Variants in SNX6 observed in about 807,000 individuals in gnomAD.
SNX6 encodes sorting nexin-6.
Under a neutral mutation model 63.0 loss-of-function variants are expected in SNX6, and 34 were observed. The ratio of observed to expected loss-of-function variants is 0.54; its 90% CI spans 0.41 to 0.72. SNX6 has a LOEUF of 0.72. Among genes scored for constraint, SNX6 ranks in the 30% least tolerant of loss-of-function variants. The pLI, the probability that SNX6 is intolerant of heterozygous loss-of-function variation, is 0.00. For missense variants in SNX6, 398 were observed against 471.4 expected, an observed-to-expected ratio of 0.84 and a Z score of 1.44; for synonymous variants, 170 against 164.2, an observed-to-expected ratio of 1.04 and a Z score of -0.27.
intron 2 of SNX6, chr14:34,629,524 A>C (rs773649732): frequency 5.9e-5 from 30 of 507,764 alleles, no homozygotes; most frequent in Non-Finnish European, 1.1e-4. Context: ...CCGGGTGAAA[A>C]TTGAGGGTGC....
chr14:34,577,662 C>T (rs1223458951), intron 10 of SNX6, among the ~76,000 whole-genome samples: 2 of 152,124 alleles, frequency 1.3e-5, no homozygotes, highest in East Asian at 1.9e-4. Flanking sequence ...ATTATATCAA[C>T]CAAATGCAAT....
chr14:34,627,384 T>G (rs541175903), intron 2 of SNX6, among the ~76,000 whole-genome samples: 1 of 152,142 alleles, frequency 6.6e-6, no homozygotes, highest in African/African-American at 2.4e-5. Context: ...GAGGCGGAGC[T>G]TGCAGTGAGC....
intron 11 of SNX6, among the ~76,000 whole-genome samples, chr14:34,570,059 G>C (rs1025103935): frequency 1.3e-5 from 2 of 148,772 alleles, no homozygotes; most frequent in African/African-American, 2.5e-5. Flanking sequence ...TTGTTTTTTT[G>C]GGGTTTTTTT....
intron 6 of SNX6, among the ~76,000 whole-genome samples, chr14:34,598,157 C>T (rs933711554): frequency 6.6e-6 from 1 of 152,042 alleles, no homozygotes; most frequent in Non-Finnish European, 1.5e-5. Flanking sequence ...GCACAAGGGA[C>T]ACAAAAAAGA....
At chr14:34,625,740 A>T (rs1883802773) in intron 2 of SNX6, among the ~76,000 whole-genome samples, 2 of 152,046 alleles carry the variant, frequency 1.3e-5, no homozygotes, top group Admixed American at 1.3e-4. Flanking sequence ...CTCAAAAAAA[A>T]TTTAAAAAAA....
At chr14:34,624,096 A>AAATTT (rs1248376949) in intron 2 of SNX6, among the ~76,000 whole-genome samples, 1 of 142,054 alleles carries the variant, frequency 7.0e-6, no homozygotes, top group Non-Finnish European at 1.5e-5. Flanking sequence ...AATTTCTCAC[A>AAATTT]AAACAATATT....
rs369338797 is a variant in SNX6, at chr14:34,616,562, T to C, written c.55-6820A>G. On this transcript the variant is annotated intron_variant, in intron 2 of 13. Coordinates refer to ENST00000362031, the MANE Select transcript of SNX6 (RefSeq NM_152233.4). ...TTTTTGAGATGGGATCTCACCATGT[T>C]GCCCAGGCTGGTCTTGAGCTCGTGG... 3.0e-3 allele frequency among the ~76,000 whole-genome samples: 457 copies of C among 152,244 alleles called. 3 individuals are homozygous for C. Among genetic ancestry groups the C allele is most frequent in the African/African-American group, 9.8e-3 (406 of 41,538 alleles).
chr14:34,588,533 G>C (rs1882265648), intron 8 of SNX6, among the ~76,000 whole-genome samples: 1 of 152,146 alleles, frequency 6.6e-6, no homozygotes, highest in South Asian at 2.1e-4. Context: ...TTACAGGTTT[G>C]AGTCACTGTC....
At chr14:34,569,215 A>G (rs1881331914) in intron 11 of SNX6, 1 of 618,096 alleles carries the variant, frequency 1.6e-6, no homozygotes, top group Non-Finnish European at 2.9e-6. Flanking sequence ...CATGTACCAC[A>G]TAACTCACAA....
intron 5 of SNX6, chr14:34,604,290 C>A: frequency 8.0e-7 from 1 of 1,250,544 alleles, no homozygotes; most frequent in Non-Finnish European, 1.0e-6. Flanking sequence ...ACAAAAGAAT[C>A]ATGATCAGGG....
At chr14:34,612,580 T>C (rs1486557760) in intron 2 of SNX6, among the ~76,000 whole-genome samples, 1 of 151,998 alleles carries the variant, frequency 6.6e-6, no homozygotes, top group Non-Finnish European at 1.5e-5. Flanking sequence ...ACTACAGGCA[T>C]GCACAACCAG....
At chr14:34,564,941 TC>T (rs1336249362) in intron 13 of SNX6, among the ~76,000 whole-genome samples, 1 of 152,078 alleles carries the variant, frequency 6.6e-6, no homozygotes, top group Admixed American at 6.6e-5. Context: ...TTAGGCTGTT[TC>T]AACAACTCCA....
chr14:34,572,422 A>G (rs572530488), intron 11 of SNX6, among the ~76,000 whole-genome samples: 5 of 152,230 alleles, frequency 3.3e-5, no homozygotes, highest in South Asian at 2.1e-4. Context: ...TTGATAATTT[A>G]AAGTCTTCAA....
intron 2 of SNX6, among the ~76,000 whole-genome samples, chr14:34,619,097 C>G (rs1883529529): frequency 6.6e-6 from 1 of 152,100 alleles, no homozygotes; most frequent in African/African-American, 2.4e-5. Context: ...CAGGTAATTA[C>G]AGTATGATCA....
chr14:34,568,030 T>C lies in SNX6; in HGVS notation c.922-17A>G. The C allele has an allele frequency of 6.2e-7, 1 of 1,606,774 alleles. No homozygotes were observed. Among genetic ancestry groups the C allele is most frequent in the Non-Finnish European group, 8.5e-7 (1 of 1,177,500 alleles). On this transcript the variant is annotated splice_polypyrimidine_tract_variant and intron_variant, in intron 11 of 13. Transcript: ENST00000362031. The stretch of plus-strand genomic sequence containing the variant: ...CAGGAGATCCTATAAAACAGAATGC[T>C]TCACAATAGTATATATACTGCATGT...
chr14:34,628,295 T>C (rs920617605), intron 2 of SNX6, among the ~76,000 whole-genome samples: 16 of 151,882 alleles, frequency 1.1e-4, no homozygotes, highest in Admixed American at 1.3e-4. Context: ...CCGTCTCTAC[T>C]AAAAATACAA....
intron 2 of SNX6, among the ~76,000 whole-genome samples, chr14:34,612,316 G>A (rs1019799621): frequency 6.6e-6 from 1 of 152,084 alleles, no homozygotes; most frequent in Admixed American, 6.6e-5. Flanking sequence ...AAATTCCTAG[G>A]AGCTGTAAAT....
At chr14:34,564,465 T>C (rs1273919138) in intron 13 of SNX6, among the ~76,000 whole-genome samples, 1 of 152,168 alleles carries the variant, frequency 6.6e-6, no homozygotes, top group Non-Finnish European at 1.5e-5. Context: ...TCTGGTTGAG[T>C]ACTACTGTTA....
intron 11 of SNX6, among the ~76,000 whole-genome samples, chr14:34,574,740 C>T (rs553216237): frequency 4.0e-5 from 6 of 149,896 alleles, no homozygotes; most frequent in Non-Finnish European, 7.4e-5. Context: ...TTTTTTAAGA[C>T]GGAGTTGGGG....
Sources: gnomAD v4.1 joint callset for allele counts (sites outside exome capture counted in the v4.1 genomes callset) on GRCh38, gnomAD v4.1.1 for gene constraint, MANE v1.5 for transcripts, NCBI Gene and HGNC (gene_info 2026-07-23, HGNC 2026-07-21) for gene names.